The following SRPK2 variants were observed in gnomAD, a reference collection of about 807,000 sequenced individuals.
SRPK2 encodes the protein SRSF protein kinase 2, also known as SFRS protein kinase 2.
In SRPK2, 21 loss-of-function variants were observed where a neutral mutation model predicts 90.8. That is an observed-to-expected ratio of 0.23 (90% confidence interval 0.16 to 0.33). The LOEUF is 0.33. SRPK2 is among the 10% of genes least tolerant of loss of function. The pLI, the probability that SRPK2 is intolerant of heterozygous loss-of-function variation, is 1.00. For missense variants in SRPK2, 620 were observed against 869.0 expected (o/e 0.71, Z 3.60); for synonymous variants, 288 against 311.1 (o/e 0.93, Z 0.78).
In SRPK2 at chr7:105,231,266, T is replaced by A. The variant is rs148841308; in HGVS notation, c.72-27481A>T. Among the ~76,000 whole-genome samples, 213 of 152,322 alleles carry A rather than the reference T, an allele frequency of 1.4e-3. 2 individuals are homozygous for A. The highest frequency in any genetic ancestry group is 3.8e-3 in the African/African-American group (158 of 41,572). ...ATGTTCCCACAAAATACATTATCTC[T>A]TCTTTTTTATGGCTGCATAGTGTTA... On this transcript the variant is annotated intron_variant, in intron 2 of 15. Coordinates refer to ENST00000393651, the MANE Select transcript of SRPK2 (RefSeq NM_182692.3).
rs143650761 is a variant in SRPK2, at chr7:105,329,571, A to G, written c.71+59077T>C. Among the ~76,000 whole-genome samples the G allele has an allele frequency of 5.0e-3, 750 of 150,296 alleles. 11 individuals carry two copies. In the East Asian group the frequency reaches 0.053, roughly 11 times the overall value. On this transcript the variant is annotated intron_variant, in intron 2 of 15. Transcript: ENST00000393651. ...ATCGCACCACCGCACTCCAGCCTGG[A>G]CGACAGAGTGAGACTCCGTCTCAAA...
At chr7:105,126,543 A>ACC (rs975514552) in intron 14 of SRPK2, among the ~76,000 whole-genome samples, 8 of 152,190 alleles carry the variant, frequency 5.3e-5, no homozygotes, top group Non-Finnish European at 1.0e-4. Context: ...AGGCCAGCTC[A>ACC]CCCCAGGCCA....
intron 3 of SRPK2, among the ~76,000 whole-genome samples, chr7:105,195,783 A>G (rs1794840731): frequency 6.6e-6 from 1 of 152,120 alleles, no homozygotes; most frequent in Non-Finnish European, 1.5e-5. Context: ...ACTTATTATT[A>G]ACGAACCACA....
At chr7:105,370,975 G>A (rs973664848) in intron 2 of SRPK2, among the ~76,000 whole-genome samples, 10 of 152,004 alleles carry the variant, frequency 6.6e-5, no homozygotes, top group Admixed American at 5.3e-4. Context: ...TATGTGGAGC[G>A]TAATTCAAAC....
intron 2 of SRPK2, among the ~76,000 whole-genome samples, chr7:105,353,292 T>TA (rs1478752350): frequency 6.6e-6 from 1 of 152,144 alleles, no homozygotes; most frequent in Non-Finnish European, 1.5e-5. Flanking sequence ...TCCTCATCTG[T>TA]AAAATGAGAA....
intron 1 of SRPK2, among the ~76,000 whole-genome samples, chr7:105,394,959 G>A (rs1457904433): frequency 6.6e-6 from 1 of 151,916 alleles, no homozygotes; most frequent in African/African-American, 2.4e-5. Flanking sequence ...ACATGAGATT[G>A]GGAGATCGAG....
chr7:105,257,324 T>C (rs534505001), intron 2 of SRPK2, among the ~76,000 whole-genome samples: 2 of 152,368 alleles, frequency 1.3e-5, no homozygotes, highest in African/African-American at 4.8e-5. Flanking sequence ...GTTGCTATTG[T>C]TATTATAATA....
At chr7:105,227,840 T>C (rs1389519741) in intron 2 of SRPK2, among the ~76,000 whole-genome samples, 3 of 138,612 alleles carry the variant, frequency 2.2e-5, no homozygotes, top group East Asian at 4.2e-4. Context: ...GTTTATCAAC[T>C]GATGAACAGA....
chr7:105,360,320 T>C (rs1818283904), intron 2 of SRPK2, among the ~76,000 whole-genome samples: 1 of 152,250 alleles, frequency 6.6e-6, no homozygotes, highest in African/African-American at 2.4e-5. Context: ...CTGATAGGTC[T>C]TGACTCTCTA....
In SRPK2 at chr7:105,239,642, G is replaced by A. The variant is rs542352789; in HGVS notation, c.72-35857C>T. 5.9e-5 allele frequency among the ~76,000 whole-genome samples: 9 copies of A among 152,214 alleles called. No individual in the cohort carries two copies. The South Asian group carries it at 1.9e-3, about 32-fold the overall frequency. ...GTTCTGGGATGAGAGCAAAAAAATG[G>A]AGCCATAATTAACAAAATCTGGTTA... On this transcript the variant is annotated intron_variant, in intron 2 of 15. Coordinates refer to ENST00000393651, the MANE Select transcript of SRPK2 (RefSeq NM_182692.3).
At chr7:105,145,955 G>C (rs937448410) in intron 8 of SRPK2, among the ~76,000 whole-genome samples, 14 of 152,104 alleles carry the variant, frequency 9.2e-5, no homozygotes, top group Non-Finnish European at 1.9e-4. Context: ...GTCGAAGAGT[G>C]AGAAGCACAG....
Position 105,117,688 on chromosome 7 carries a change from A to C in SRPK2, c.*150T>G. The C allele has an allele frequency of 4.8e-6, 4 of 838,332 alleles. No homozygotes were observed. Among genetic ancestry groups the C allele is most frequent in the Non-Finnish European group, 7.3e-6 (4 of 547,118 alleles). The allele number at this position is 838,332 out of a possible 1,614,324, so 51.9% of individuals were successfully genotyped here. A position where few individuals can be genotyped will look rare whatever the true frequency, so the allele number is the denominator to read the frequency against. ...CCCAGGATCACAGTGCACAAAAAGC[A>C]AAATGTCAAACAACAGTACCTCAAA... is the stretch of plus-strand genomic sequence containing the variant. On this transcript the variant is annotated 3_prime_UTR_variant, in exon 16 of 16. Transcript: ENST00000393651.
chr7:105,220,703 C>T (rs1797992927), intron 2 of SRPK2, among the ~76,000 whole-genome samples: 1 of 152,168 alleles, frequency 6.6e-6, no homozygotes, highest in East Asian at 1.9e-4. Context: ...CCATTTACCA[C>T]TCCAGTTGAA....
At chr7:105,244,720 G>A in intron 2 of SRPK2, 12 of 1,170,090 alleles carry the variant, frequency 1.0e-5, no homozygotes, top group Non-Finnish European at 1.5e-5. Flanking sequence ...ACGTGAGCGA[G>A]CCCAGGCACA....
intron 3 of SRPK2, among the ~76,000 whole-genome samples, chr7:105,183,444 T>G (rs140701013): frequency 7.2e-5 from 11 of 152,266 alleles, no homozygotes; most frequent in African/African-American, 2.6e-4. Context: ...GGTTAACATA[T>G]CAGATCGTAA....
chr7:105,208,258 A>C lies in SRPK2; in HGVS notation c.72-4473T>G, dbSNP rs139447021. ...CAGTTCCTCAAAAGTTTAAACATAA[A>C]ATTACCAAATAACCCAACAATTCCA... On this transcript the variant is annotated intron_variant, in intron 2 of 15. Coordinates refer to ENST00000393651, the MANE Select transcript of SRPK2 (RefSeq NM_182692.3). 1.8e-4 allele frequency among the ~76,000 whole-genome samples: 27 copies of C among 152,312 alleles called. No homozygotes were observed. In the East Asian group the frequency reaches 3.5e-3, roughly 20 times the overall value.
At chr7:105,313,879 C>T (rs1812014040) in intron 2 of SRPK2, among the ~76,000 whole-genome samples, 1 of 151,842 alleles carries the variant, frequency 6.6e-6, no homozygotes, top group East Asian at 1.9e-4. Context: ...GAAAAACAAG[C>T]AAAGTAAAAG....
intron 7 of SRPK2, among the ~76,000 whole-genome samples, chr7:105,151,574 T>C (rs926150470): frequency 6.6e-6 from 1 of 152,214 alleles, no homozygotes; most frequent in African/African-American, 2.4e-5. Context: ...TCCCGCTATG[T>C]TCCCAGGCTG....
chr7:105,380,174 C>G (rs1290961939), intron 2 of SRPK2, among the ~76,000 whole-genome samples: 1 of 152,228 alleles, frequency 6.6e-6, no homozygotes, highest in East Asian at 1.9e-4. Flanking sequence ...CTGCGTCGCC[C>G]AGGCTGGCAC....
Sources: allele counts gnomAD v4.1 joint callset (sites outside exome capture counted in the v4.1 genomes callset), GRCh38; gene constraint gnomAD v4.1.1; transcripts MANE v1.5; gene names NCBI Gene and HGNC (gene_info 2026-07-23, HGNC 2026-07-21).